The following RBFOX1 variants were observed in gnomAD, a reference collection of about 807,000 sequenced individuals.
RBFOX1 encodes the protein RNA binding fox-1 homolog 1.
A neutral mutation model predicts 57.7 loss-of-function variants in RBFOX1; 8 were observed. That is an observed-to-expected ratio of 0.14 (90% CI 0.08 to 0.25). The LOEUF is 0.25. RBFOX1 is among the 10% of genes least tolerant of loss of function. The pLI is 1.00. For missense variants in RBFOX1, 611 were observed against 548.5 expected (o/e 1.11, Z -1.14); for synonymous variants, 326 against 222.4 (o/e 1.47, Z -4.15).
chr16:6,698,327 A>G (rs980750852), intron 3 of RBFOX1, among the ~76,000 whole-genome samples: 1 of 152,190 alleles, frequency 6.6e-6, no homozygotes, highest in Non-Finnish European at 1.5e-5. Flanking sequence ...ATATATGAGG[A>G]TGTGGGAAAG....
chr16:5,525,064 C>T (rs1298717657), intron 2 of RBFOX1, among the ~76,000 whole-genome samples: 3 of 152,188 alleles, frequency 2.0e-5, no homozygotes, highest in Admixed American at 6.5e-5. Context: ...GCAAATAATT[C>T]CTTCTTTCTC....
chr16:7,221,300 C>T (rs1048869522), intron 4 of RBFOX1, among the ~76,000 whole-genome samples: 3 of 152,172 alleles, frequency 2.0e-5, no homozygotes, highest in African/African-American at 7.2e-5. Context: ...GATTATAAAA[C>T]ACAAATATTA....
chr16:5,789,956 A>G (rs2054633101), intron 3 of RBFOX1, among the ~76,000 whole-genome samples: 2 of 152,204 alleles, frequency 1.3e-5, no homozygotes, highest in South Asian at 2.1e-4. Flanking sequence ...GCTATAACAG[A>G]TAGACCTCTA....
intron 4 of RBFOX1, among the ~76,000 whole-genome samples, chr16:7,214,636 C>G (rs894081861): frequency 6.6e-6 from 1 of 152,038 alleles, no homozygotes; most frequent in African/African-American, 2.4e-5. Context: ...CATGTCTGAG[C>G]TACTTAAAAC....
rs546404612 is a variant in RBFOX1, at chr16:5,389,637, C to G, written c.220-77579C>G. Among the ~76,000 whole-genome samples, 4 of 152,092 alleles carry G rather than the reference C, an allele frequency of 2.6e-5. No individual in the cohort carries two copies. In the South Asian group the frequency reaches 8.3e-4, roughly 32 times the overall value. On this transcript the variant is annotated intron_variant, in intron 1 of 2. Coordinates refer to the RBFOX1 transcript ENST00000585867. ...CTTGCAATTCCCTCCTTCCCTCTCT[C>G]TTTCCATCCTTTTTTGCTGCTTCTC... is the stretch of plus-strand genomic sequence containing the variant.
intron 4 of RBFOX1, among the ~76,000 whole-genome samples, chr16:7,244,075 A>T (rs896473289): frequency 4.6e-5 from 7 of 152,100 alleles, no homozygotes; most frequent in Non-Finnish European, 1.0e-4. Context: ...ATCATTATGT[A>T]ATAAAACTTT....
At chr16:7,180,643 A>G (rs951548220) in intron 4 of RBFOX1, among the ~76,000 whole-genome samples, 1 of 152,120 alleles carries the variant, frequency 6.6e-6, no homozygotes, top group South Asian at 2.1e-4. Flanking sequence ...AAGGATTGCA[A>G]AAGATTTACT....
chr16:6,013,270 C>A (rs1596403763), intron 4 of RBFOX1, among the ~76,000 whole-genome samples: 1 of 152,236 alleles, frequency 6.6e-6, no homozygotes, highest in South Asian at 2.1e-4. Context: ...AACAAGCCTG[C>A]CCTAAATCAA....
At chr16:5,989,880 A>ACACACACACACACACACACACACACC (rs33912010) in intron 4 of RBFOX1, among the ~76,000 whole-genome samples, 2,019 of 127,198 alleles carry the variant, frequency 0.016, 75 homozygotes, top group Middle Eastern at 0.041. Flanking sequence ...ACACACACAC[A>ACACACACACACACACACACACACACC]CCACCCCTGT....
At chr16:5,536,059 C>A (rs550647158) in intron 2 of RBFOX1, among the ~76,000 whole-genome samples, 17 of 151,998 alleles carry the variant, frequency 1.1e-4, no homozygotes, top group African/African-American at 3.6e-4. Context: ...GCTTCTTTTG[C>A]CTGCCAGGTA....
At chr16:7,032,448 C>G (rs111402586) in intron 3 of RBFOX1, among the ~76,000 whole-genome samples, 2 of 151,962 alleles carry the variant, frequency 1.3e-5, no homozygotes, top group African/African-American at 4.8e-5. Flanking sequence ...TCTCAAAAAA[C>G]AAACAAATAA....
At chr16:5,744,982 T>C (rs144858393) in intron 3 of RBFOX1, among the ~76,000 whole-genome samples, 2,162 of 152,282 alleles carry the variant, frequency 0.014, 60 homozygotes, top group African/African-American at 0.049. Flanking sequence ...CTAGGCTACA[T>C]GTGCACAACG....
chr16:7,584,210 G>C (rs1292803625), intron 6 of RBFOX1, among the ~76,000 whole-genome samples: 1 of 152,172 alleles, frequency 6.6e-6, no homozygotes, highest in East Asian at 1.9e-4. Context: ...CAGTTTTTCA[G>C]AGAAATATTG....
intron 5 of RBFOX1, among the ~76,000 whole-genome samples, chr16:7,532,460 T>C (rs1195315118): frequency 6.6e-6 from 1 of 152,156 alleles, no homozygotes; most frequent in African/African-American, 2.4e-5. Context: ...ACATTGAAGC[T>C]CTTGACAGAG....
rs553608652 is a variant in RBFOX1, at chr16:7,434,239, A to C, written c.28-83908A>C. Among the ~76,000 whole-genome samples the C allele has an allele frequency of 2.3e-4, 35 of 152,148 alleles. 1 individual carries two copies. The highest frequency in any genetic ancestry group is 4.4e-4 in the Non-Finnish European group (30 of 68,038). On this transcript the variant is annotated intron_variant, in intron 4 of 15. Transcript: ENST00000550418. ...ATAATCCCCGCATTTTGGGACGCCAAGGCAGGCAGATCACGACTTCAGAAG... is the reference window on the plus strand; with the variant it reads ...ATAATCCCCGCATTTTGGGACGCCACGGCAGGCAGATCACGACTTCAGAAG...
intron 1 of RBFOX1, among the ~76,000 whole-genome samples, chr16:6,022,695 AAAAC>A (rs571397142): frequency 7.9e-5 from 12 of 152,214 alleles, no homozygotes; most frequent in South Asian, 4.1e-4. Context: ...AAAACAAAAC[AAAAC>A]AAACAAACAA....
intron 1 of RBFOX1, among the ~76,000 whole-genome samples, chr16:6,255,410 A>G (rs2097654443): frequency 6.6e-6 from 1 of 152,174 alleles, no homozygotes; most frequent in Non-Finnish European, 1.5e-5. Flanking sequence ...GAAAGGGCAC[A>G]GGACAGGAGG....
intron 2 of RBFOX1, among the ~76,000 whole-genome samples, chr16:6,587,787 CT>C (rs1214567598): frequency 6.6e-6 from 1 of 152,168 alleles, no homozygotes; most frequent in Admixed American, 6.5e-5. Flanking sequence ...ACCCATATAA[CT>C]TTTGTGTAGT....
intron 3 of RBFOX1, among the ~76,000 whole-genome samples, chr16:6,758,315 C>G (rs2076115426): frequency 6.6e-6 from 1 of 151,928 alleles, no homozygotes; most frequent in Non-Finnish European, 1.5e-5. Context: ...AAAAATTTTC[C>G]CCCAAGCATA....
Sources: gnomAD v4.1 joint callset for allele counts (sites outside exome capture counted in the v4.1 genomes callset) on GRCh38, gnomAD v4.1.1 for gene constraint, MANE v1.5 for transcripts, NCBI Gene and HGNC (gene_info 2026-07-23, HGNC 2026-07-21) for gene names.